Variants in NTRK2 observed in about 807,000 individuals in gnomAD.
NTRK2 encodes BDNF/NT-3 growth factors receptor.
In NTRK2, 13 loss-of-function variants were observed where a neutral mutation model predicts 94.5. That is an observed-to-expected ratio of 0.14 (90% confidence interval 0.09 to 0.22). NTRK2 has a LOEUF of 0.22. NTRK2 is among the 10% of genes least tolerant of loss of function. The probability of loss-of-function intolerance (pLI) is 1.00; values close to 1 mark genes in which losing one functional copy is unlikely to be tolerated. For missense variants in NTRK2, 639 were observed against 1,071.2 expected (o/e 0.60, Z 5.63); for synonymous variants, 372 against 407.4 (o/e 0.91, Z 1.05).
In NTRK2 at chr9:85,024,653, TA is replaced by T. The variant is rs1186302918; in HGVS notation, c.*3218del. 3 of 232,822 alleles carry T rather than the reference TA, an allele frequency of 1.3e-5. No homozygotes were observed. Among genetic ancestry groups the T allele is most frequent in the Admixed American group, 5.6e-5 (1 of 17,782 alleles). The allele number at this position is 232,822 out of a possible 1,614,324, so 14.4% of individuals were successfully genotyped here. A position where few individuals can be genotyped will look rare whatever the true frequency, so the allele number is the denominator to read the frequency against. On this transcript the variant is annotated 3_prime_UTR_variant, in exon 19 of 19. Transcript: ENST00000277120. ...AAGCAGTTCAGGAAAGAAAGCATGC[TA>T]ACACATTCATGAAGCAGTATATGAA...
At chr9:85,017,751 G>T (rs1251247561) in intron 17 of NTRK2, among the ~76,000 whole-genome samples, 1 of 152,146 alleles carries the variant, frequency 6.6e-6, no homozygotes, top group Admixed American at 6.6e-5. Flanking sequence ...AGCATAACAA[G>T]AAGACCAGGT....
At chr9:84,761,744 G>A (rs553550150) in intron 12 of NTRK2, among the ~76,000 whole-genome samples, 75 of 152,232 alleles carry the variant, frequency 4.9e-4, no homozygotes, top group African/African-American at 1.5e-3. Flanking sequence ...TCAAATGTGC[G>A]GTCATCTCCA....
intron 12 of NTRK2, chr9:84,810,515 T>C (rs1422665890): frequency 8.7e-6 from 14 of 1,602,592 alleles, no homozygotes; most frequent in Non-Finnish European, 1.2e-5. Flanking sequence ...TGAGCATGAC[T>C]TATGTTTTAT....
At position 84,898,553 on chromosome 9, in the gene NTRK2, A is replaced by T. The variant is rs571684079; in HGVS notation, c.1633+31122A>T. ...TTTCTTATTATTTTTATTTCTTATT[A>T]TTCCTGTCATGACTCCATTCAACAT... On this transcript the variant is annotated intron_variant, in intron 14 of 18. Coordinates refer to ENST00000277120, the MANE Select transcript of NTRK2 (RefSeq NM_006180.6). 5.2e-3 allele frequency among the ~76,000 whole-genome samples: 773 copies of T among 147,712 alleles called. 3 individuals are homozygous for T. Among genetic ancestry groups the T allele is most frequent in the Non-Finnish European group, 8.6e-3 (573 of 66,540 alleles).
intron 17 of NTRK2, among the ~76,000 whole-genome samples, chr9:84,990,067 C>G (rs988641927): frequency 6.6e-6 from 1 of 152,148 alleles, no homozygotes; most frequent in Non-Finnish European, 1.5e-5. Flanking sequence ...CTATGCACTG[C>G]CAGGCTGGTC....
chr9:84,978,356 A>C (rs112380518), intron 17 of NTRK2, among the ~76,000 whole-genome samples: 18 of 152,324 alleles, frequency 1.2e-4, no homozygotes, highest in African/African-American at 4.1e-4. Flanking sequence ...ATAGGGAGAA[A>C]GCTTCAGTGG....
intron 12 of NTRK2, among the ~76,000 whole-genome samples, chr9:84,778,808 C>G (rs2067291217): frequency 6.6e-6 from 1 of 152,234 alleles, no homozygotes; most frequent in South Asian, 2.1e-4. Flanking sequence ...TGCAATGTCC[C>G]TATCTTCTGG....
chr9:84,709,425 G>C (rs1432171569), intron 5 of NTRK2, among the ~76,000 whole-genome samples: 3 of 152,180 alleles, frequency 2.0e-5, no homozygotes, highest in African/African-American at 4.8e-5. Flanking sequence ...CTGGTGGTGG[G>C]TCTTTTCTGC....
chr9:84,804,925 G>A (rs1008247797), intron 12 of NTRK2, among the ~76,000 whole-genome samples: 1 of 152,200 alleles, frequency 6.6e-6, no homozygotes, highest in Non-Finnish European at 1.5e-5. Flanking sequence ...TAGTAGTAAA[G>A]CCTTTTGAGC....
chr9:84,852,874 G>A (rs1421025861), intron 12 of NTRK2, among the ~76,000 whole-genome samples: 2 of 152,184 alleles, frequency 1.3e-5, no homozygotes, highest in African/African-American at 4.8e-5. Flanking sequence ...TTTATGGGAT[G>A]TAAGGCTTTT....
chr9:84,841,852 G>A (rs2074204649), intron 12 of NTRK2, among the ~76,000 whole-genome samples: 1 of 152,176 alleles, frequency 6.6e-6, no homozygotes, highest in Non-Finnish European at 1.5e-5. Context: ...ACAGTTCATT[G>A]TAATAAATAT....
At chr9:84,818,719 C>G (rs976630306) in intron 12 of NTRK2, among the ~76,000 whole-genome samples, 1 of 152,128 alleles carries the variant, frequency 6.6e-6, no homozygotes, top group Non-Finnish European at 1.5e-5. Context: ...TTAGTACTTC[C>G]CATTCTTTTG....
At chr9:84,852,091 G>A (rs766807227) in intron 12 of NTRK2, among the ~76,000 whole-genome samples, 3 of 152,172 alleles carry the variant, frequency 2.0e-5, no homozygotes, top group East Asian at 1.9e-4. Flanking sequence ...CAGCCAAGAC[G>A]TGAGTCATTG....
At chr9:84,715,955 T>C (rs1204539799) in intron 6 of NTRK2, among the ~76,000 whole-genome samples, 1 of 152,196 alleles carries the variant, frequency 6.6e-6, no homozygotes, top group Non-Finnish European at 1.5e-5. Flanking sequence ...TGAGAGCTTC[T>C]TCAGCAAGTG....
At chr9:84,760,126 G>A (rs1337247231) in intron 12 of NTRK2, among the ~76,000 whole-genome samples, 2 of 152,142 alleles carry the variant, frequency 1.3e-5, no homozygotes, top group African/African-American at 4.8e-5. Flanking sequence ...TAATATTGAA[G>A]ACATATGAAT....
intron 12 of NTRK2, among the ~76,000 whole-genome samples, chr9:84,785,699 G>A (rs1040215836): frequency 6.6e-6 from 1 of 152,112 alleles, no homozygotes; most frequent in African/African-American, 2.4e-5. Context: ...CAGTGTTTAT[G>A]GGCATGATTT....
chr9:84,986,381 T>A (rs994783025), intron 17 of NTRK2, among the ~76,000 whole-genome samples: 1 of 152,180 alleles, frequency 6.6e-6, no homozygotes, highest in African/African-American at 2.4e-5. Flanking sequence ...TAGATTCTCA[T>A]AAGGAGTACA....
intron 17 of NTRK2, among the ~76,000 whole-genome samples, chr9:84,972,414 T>C (rs531176344): frequency 6.6e-6 from 1 of 152,358 alleles, no homozygotes; most frequent in Non-Finnish European, 1.5e-5. Context: ...TTAAAAATTG[T>C]GTTCTATGGA....
chr9:84,732,090 A>C (rs2062931409), intron 9 of NTRK2, among the ~76,000 whole-genome samples: 1 of 152,174 alleles, frequency 6.6e-6, no homozygotes, highest in Admixed American at 6.5e-5. Context: ...GATTGTGTTT[A>C]AGGCAAAAAA....
Sources: allele counts gnomAD v4.1 joint callset (sites outside exome capture counted in the v4.1 genomes callset), GRCh38; gene constraint gnomAD v4.1.1; transcripts MANE v1.5; gene names NCBI Gene and HGNC (gene_info 2026-07-23, HGNC 2026-07-21).